The following DLC1 variants were observed in gnomAD, a reference collection of about 807,000 sequenced individuals.
DLC1 encodes the protein DLC1 Rho GTPase activating protein.
DLC1 carries 54 observed loss-of-function variants against 140.3 expected under a neutral mutation model. That is an observed-to-expected ratio of 0.38 (90% CI 0.31 to 0.48). The LOEUF is 0.48. DLC1 is among the 20% of genes least tolerant of loss of function. The pLI is 0.96. For synonymous variants in DLC1, 986 were observed against 728.1 expected (o/e 1.35, Z -5.70); for missense variants, 2,536 against 1,907.0 (o/e 1.33, Z -6.14).
At chr8:13,489,525 G>A (rs941192227) in intron 2 of DLC1, among the ~76,000 whole-genome samples, 16 of 150,250 alleles carry the variant, frequency 1.1e-4, no homozygotes, top group Non-Finnish European at 2.4e-4. Context: ...TAACTACTTT[G>A]TATATATTAA....
chr8:13,566,752 A>G (rs1282743286), intron 1 of DLC1: 1 of 513,620 alleles, frequency 1.9e-6, no homozygotes, highest in Non-Finnish European at 3.3e-6. Context: ...CGGCGCAAGC[A>G]GCGCAAGCGC....
At chr8:13,595,486 T>A (rs1359642290) in intron 1 of DLC1, among the ~76,000 whole-genome samples, 2 of 148,300 alleles carry the variant, frequency 1.3e-5, no homozygotes, top group African/African-American at 5.3e-5. Context: ...GTGCCCCACA[T>A]GTGTTGCTTT....
intron 7 of DLC1, among the ~76,000 whole-genome samples, chr8:13,106,426 G>C (rs1343646014): frequency 2.0e-5 from 3 of 152,090 alleles, no homozygotes; most frequent in Non-Finnish European, 4.4e-5. Flanking sequence ...TGGCACATTG[G>C]AGCCTGGACC....
At chr8:13,167,921 G>C (rs1825213432) in intron 5 of DLC1, among the ~76,000 whole-genome samples, 1 of 152,176 alleles carries the variant, frequency 6.6e-6, no homozygotes, top group African/African-American at 2.4e-5. Flanking sequence ...GGCCTTCTAT[G>C]ACTGACAATG....
At chr8:13,546,681 A>G (rs1803658712) in intron 1 of DLC1, among the ~76,000 whole-genome samples, 1 of 152,136 alleles carries the variant, frequency 6.6e-6, no homozygotes, top group Non-Finnish European at 1.5e-5. Context: ...GTCCATAGAG[A>G]GTGATGGTGA....
chr8:13,588,095 G>T (rs148087418), intron 1 of DLC1, among the ~76,000 whole-genome samples: 1 of 152,010 alleles, frequency 6.6e-6, no homozygotes, highest in Non-Finnish European at 1.5e-5. Context: ...TCCAATCCCA[G>T]TTCTTCCAAA....
chr8:13,261,355 G>GGAGTGAACACA (rs1264847778), intron 5 of DLC1, among the ~76,000 whole-genome samples: 1 of 116,196 alleles, frequency 8.6e-6, no homozygotes, highest in Non-Finnish European at 1.9e-5. Context: ...TGTATAGAAT[G>GGAGTGAACACA]GGAAAGGATA....
chr8:13,310,606 G>A (rs1832633153), intron 4 of DLC1, among the ~76,000 whole-genome samples: 1 of 152,164 alleles, frequency 6.6e-6, no homozygotes, highest in African/African-American at 2.4e-5. Context: ...AAGGAAAGAA[G>A]GTACATGGGA....
chr8:13,376,871 C>G (rs1175380887), intron 4 of DLC1, among the ~76,000 whole-genome samples: 1 of 152,110 alleles, frequency 6.6e-6, no homozygotes, highest in Non-Finnish European at 1.5e-5. Flanking sequence ...GGATTCTTCA[C>G]CTGTTCAAAA....
chr8:13,438,022 CT>C (rs11355863), intron 2 of DLC1, among the ~76,000 whole-genome samples: 10,736 of 141,940 alleles, frequency 0.076, 799 homozygotes, highest in East Asian at 0.33. Flanking sequence ...TGATCTACCT[CT>C]TTTTTTTTTT....
At chr8:13,603,638 G>A (rs1466706244) in intron 1 of DLC1, among the ~76,000 whole-genome samples, 2 of 151,934 alleles carry the variant, frequency 1.3e-5, no homozygotes, top group African/African-American at 4.8e-5. Flanking sequence ...CAGTATAAAC[G>A]TTCAAGACCC....
intron 5 of DLC1, among the ~76,000 whole-genome samples, chr8:13,203,213 T>G (rs138688689): frequency 0.013 from 1,935 of 152,312 alleles, 17 homozygotes; most frequent in Middle Eastern, 0.031. Flanking sequence ...AGTTTCTACA[T>G]TTTCTATTTT....
intron 3 of DLC1, among the ~76,000 whole-genome samples, chr8:13,399,214 G>C (rs561643590): frequency 6.6e-6 from 1 of 152,262 alleles, no homozygotes; most frequent in Non-Finnish European, 1.5e-5. Context: ...TTATTAGGAA[G>C]AACATGCTCT....
intron 5 of DLC1, among the ~76,000 whole-genome samples, chr8:13,262,421 C>T (rs538200243): frequency 9.2e-5 from 14 of 151,482 alleles, no homozygotes; most frequent in Non-Finnish European, 1.8e-4. Flanking sequence ...TGACTTGTGT[C>T]CTTCTGGACT....
chr8:13,451,029 C>T (rs551705384), intron 2 of DLC1, among the ~76,000 whole-genome samples: 25 of 45,756 alleles, frequency 5.5e-4, no homozygotes, highest in African/African-American at 1.6e-3. Context: ...TAGAGTGAGA[C>T]TCCGTCTCAA....
At chr8:13,413,854 C>T (rs79974235) in intron 2 of DLC1, among the ~76,000 whole-genome samples, 2,240 of 152,152 alleles carry the variant, frequency 0.015, 66 homozygotes, top group African/African-American at 0.051. Context: ...TTATAAATTA[C>T]GCAGTCTCAA....
intron 14 of DLC1, 38 bp downstream of exon 14, chr8:13,091,280 T>C: frequency 6.2e-7 from 1 of 1,602,420 alleles, no homozygotes; most frequent in Non-Finnish European, 8.5e-7. Flanking sequence ...CTATTCACAT[T>C]ATCCTTAATA....
chr8:13,118,659 G>A (rs938700456), intron 5 of DLC1, among the ~76,000 whole-genome samples: 1 of 152,112 alleles, frequency 6.6e-6, no homozygotes, highest in African/African-American at 2.4e-5. Context: ...TCAAGAGAAA[G>A]TACTAACAAT....
intron 2 of DLC1, among the ~76,000 whole-genome samples, chr8:13,449,859 G>C (rs1398595572): frequency 3.3e-5 from 5 of 152,040 alleles, no homozygotes; most frequent in Non-Finnish European, 7.4e-5. Flanking sequence ...CTTGGTGGCA[G>C]GCTGTGATGC....
Sources: allele counts gnomAD v4.1 joint callset (sites outside exome capture counted in the v4.1 genomes callset), GRCh38; gene constraint gnomAD v4.1.1; transcripts MANE v1.5; gene names NCBI Gene and HGNC (gene_info 2026-07-23, HGNC 2026-07-21).